The following TRAK2 variants were observed in gnomAD, a reference collection of about 807,000 sequenced individuals.
TRAK2 encodes trafficking kinesin-binding protein 2.
A neutral mutation model predicts 104.6 loss-of-function variants in TRAK2; 81 were observed. The ratio of observed to expected loss-of-function variants is 0.77; its 90% CI spans 0.65 to 0.93. The LOEUF is 0.93. TRAK2 is among the 40% of genes least tolerant of loss of function. The pLI is 0.00. For synonymous variants in TRAK2, 406 were observed against 394.4 expected (o/e 1.03, Z -0.35); for missense variants, 1,002 against 1,089.0 (o/e 0.92, Z 1.12).
intron 1 of TRAK2, among the ~76,000 whole-genome samples, chr2:201,426,693 T>C (rs1319468158): frequency 1.3e-5 from 2 of 152,210 alleles, no homozygotes; most frequent in African/African-American, 2.4e-5. Flanking sequence ...ACTAAGTCCA[T>C]CTAAAGAATC....
At position 201,380,318 on chromosome 2, in the gene TRAK2, T is replaced by C; in HGVS notation, c.*225A>G. 1.8e-6 allele frequency: 1 copy of C among 569,610 alleles called. No individual in the cohort carries two copies. The highest frequency in any genetic ancestry group is 2.3e-5 in the South Asian group (1 of 42,626). The allele number at this position is 569,610 out of a possible 1,614,324, so 35.3% of individuals were successfully genotyped here. ...TGAAGGAGTATATTAAACCTTTCTT[T>C]TCTCCCTCTGAACACTCATGGCCCA... On this transcript the variant is annotated 3_prime_UTR_variant, in exon 16 of 16. Transcript: ENST00000332624.
intron 1 of TRAK2, among the ~76,000 whole-genome samples, chr2:201,425,590 G>A (rs1285221850): frequency 6.6e-6 from 1 of 151,904 alleles, no homozygotes; most frequent in African/African-American, 2.4e-5. Flanking sequence ...TAGTAGAGAT[G>A]GGGTTTCACC....
intron 1 of TRAK2, among the ~76,000 whole-genome samples, chr2:201,422,855 G>C (rs1327718380): frequency 6.6e-6 from 1 of 152,110 alleles, no homozygotes; most frequent in Non-Finnish European, 1.5e-5. Flanking sequence ...GATCTCCACA[G>C]ACTGGTAAAA....
Position 201,387,922 on chromosome 2 carries a change from G to C in TRAK2, c.1477C>G (p.Arg493Gly). 6.2e-7 allele frequency: 1 copy of C among 1,614,058 alleles called. No individual in the cohort carries two copies. The part of the protein sequence containing the change: ...ATALHRLSLR[R>G]QNYLSEKQFF... Reference sequence around the variant, plus strand: ...TGCTTCTCACTTAAATAGTTTTGTCGACGCAAGCTAAGGCGATGCAGTGCT... The same window carrying C: ...TGCTTCTCACTTAAATAGTTTTGTCCACGCAAGCTAAGGCGATGCAGTGCT... Residue 493 changes from arginine to glycine, a missense_variant, in exon 13 of 16, where the codon CGA (arginine) becomes GGA (glycine). By Grantham distance (125) the Arg-to-Gly change is moderately radical (BLOSUM62 -2). Transcript: ENST00000332624.
At chr2:201,444,594 G>A (rs1286479528) in intron 1 of TRAK2, among the ~76,000 whole-genome samples, 1 of 150,526 alleles carries the variant, frequency 6.6e-6, no homozygotes, top group Non-Finnish European at 1.5e-5. Flanking sequence ...TCTCTAACTC[G>A]GCATCTAATT....
intron 14 of TRAK2, 22 bp downstream of exon 14, chr2:201,386,196 T>C (rs747799742): frequency 1.2e-6 from 2 of 1,613,156 alleles, no homozygotes; most frequent in Non-Finnish European, 1.7e-6. Flanking sequence ...TTATACCATA[T>C]TCAACCAGAC....
At chr2:201,425,685 G>A (rs541299657) in intron 1 of TRAK2, among the ~76,000 whole-genome samples, 7 of 151,428 alleles carry the variant, frequency 4.6e-5, no homozygotes, top group Non-Finnish European at 1.0e-4. Context: ...ACAGGCATGA[G>A]CCACCGTGCC....
intron 2 of TRAK2, among the ~76,000 whole-genome samples, chr2:201,409,384 G>A (rs896563356): frequency 2.4e-4 from 36 of 150,954 alleles, no homozygotes; most frequent in African/African-American, 8.5e-4. Context: ...ATCTCCTTTT[G>A]AAAACACAAT....
chr2:201,443,180 T>G (rs1046520656), intron 1 of TRAK2, among the ~76,000 whole-genome samples: 8 of 152,212 alleles, frequency 5.3e-5, no homozygotes, highest in Non-Finnish European at 1.2e-4. Flanking sequence ...ACTCTCATTT[T>G]GTCTCTCCCA....
chr2:201,397,518 G>C lies in TRAK2; in HGVS notation c.753C>G (p.Asp251Glu). Residue 251 changes from aspartate to glutamate, a missense_variant, in exon 7 of 16, where the codon GAC becomes GAG. By Grantham distance (45) the Asp-to-Glu change is conservative. Coordinates refer to ENST00000332624, the MANE Select transcript of TRAK2 (RefSeq NM_015049.3). ...AATACTCACGAAGTTCTTTAACACA[G>C]TCGCTGACAAGCTGTTGTTCCTTTT... is the stretch of plus-strand genomic sequence containing the variant. ...YEEKEQQLVS[D>E]CVKELRETNA... is the part of the protein sequence containing the mutation. 6.2e-7 allele frequency: 1 copy of C among 1,612,578 alleles called. No homozygotes were observed. The highest frequency in any genetic ancestry group is 8.5e-7 in the Non-Finnish European group (1 of 1,179,050).
At chr2:201,425,902 AATG>A (rs780936880) in intron 1 of TRAK2, among the ~76,000 whole-genome samples, 1 of 152,154 alleles carries the variant, frequency 6.6e-6, no homozygotes, top group Non-Finnish European at 1.5e-5. Context: ...GCGAAAATCT[AATG>A]ATAATTTTGA....
At chr2:201,381,871 CCTGAAA>C (rs1263451310) in intron 15 of TRAK2, among the ~76,000 whole-genome samples, 1 of 152,064 alleles carries the variant, frequency 6.6e-6, no homozygotes, top group African/African-American at 2.4e-5. Context: ...TCAACCTTGA[CCTGAAA>C]CATGTGTTTT....
At chr2:201,417,480 T>C (rs890324056) in intron 2 of TRAK2, among the ~76,000 whole-genome samples, 23 of 152,062 alleles carry the variant, frequency 1.5e-4, no homozygotes, top group East Asian at 1.2e-3. Context: ...ACCACACTAA[T>C]AGACAAAGGA....
In TRAK2 at chr2:201,399,422, C is replaced by T; in HGVS notation, c.435G>A (p.Glu145=). The T allele has an allele frequency of 6.2e-7, 1 of 1,612,638 alleles. No homozygotes were observed. The highest frequency in any genetic ancestry group is 2.2e-5 in the East Asian group (1 of 44,858). ...ALLKRNHVLS[E]QNESLEEQLG... ...ATTGCTCCTCCAGGGATTCGTTCTG[C>T]TCAGATAAGACATGGTTCCGCTTTA... is the stretch of plus-strand genomic sequence containing the variant. Residue 145 remains glutamate, a synonymous_variant, in exon 5 of 16, where the codon GAG becomes GAA. Transcript: ENST00000332624.
chr2:201,393,486 A>G (rs1951466991), intron 9 of TRAK2, among the ~76,000 whole-genome samples: 1 of 152,152 alleles, frequency 6.6e-6, no homozygotes, highest in South Asian at 2.1e-4. Context: ...CAATCCTCCT[A>G]AACAAGTAGA....
At chr2:201,439,106 G>A (rs1158717921) in intron 1 of TRAK2, among the ~76,000 whole-genome samples, 1 of 152,164 alleles carries the variant, frequency 6.6e-6, no homozygotes, top group East Asian at 1.9e-4. Flanking sequence ...ATAAATATCT[G>A]TTAAATGAAT....
chr2:201,386,449 G>A lies in TRAK2; in HGVS notation c.1732C>T (p.Gln578Ter). The A allele has an allele frequency of 1.2e-6, 2 of 1,614,164 alleles. No individual in the cohort carries two copies. The highest frequency in any genetic ancestry group is 1.1e-5 in the South Asian group (1 of 91,080). ...TCAAGGATGGTTCCCAAGTTTGGTT[G>A]AGCAAGCTGCTGCCAGTGATACAGA... The part of the protein sequence containing the change: ...QTLYHWQQLA[Q>*]PNLGTILDPR... The change falls in exon 14 of 16, where the codon CAA becomes TAA. Residue 578 changes from glutamine to a stop codon, truncating the protein, a stop_gained. Transcript: ENST00000332624. LOFTEE classifies it high-confidence loss of function.
Position 201,420,420 on chromosome 2 carries a change from T to C in TRAK2, c.88A>G (p.Thr30Ala). ...ATATTTATTAAACTGGACTTACCAG[T>C]GATGCTCTCCGAGTCTCTGTGATTG... The part of the protein sequence containing the change: ...NSNHRDSESI[T>A]DVCSNEDLPE... The change falls in exon 2 of 16, where the codon ACT becomes GCT. Residue 30 changes from threonine (T) to alanine (A), a missense_variant. Coordinates refer to ENST00000332624, the MANE Select transcript of TRAK2 (RefSeq NM_015049.3). The C allele has an allele frequency of 1.2e-6, 2 of 1,613,658 alleles. No individual in the cohort carries two copies. The highest frequency in any genetic ancestry group is 1.3e-5 in the African/African-American group (1 of 75,050).
At chr2:201,417,325 A>T (rs1243978674) in intron 2 of TRAK2, among the ~76,000 whole-genome samples, 1 of 151,558 alleles carries the variant, frequency 6.6e-6, no homozygotes, top group Non-Finnish European at 1.5e-5. Context: ...GGACACAGAC[A>T]CACACACACA....
Sources: allele counts gnomAD v4.1 joint callset (sites outside exome capture counted in the v4.1 genomes callset), GRCh38; gene constraint gnomAD v4.1.1; transcripts MANE v1.5; gene names NCBI Gene and HGNC (gene_info 2026-07-23, HGNC 2026-07-21).